Variants in CSRNP3 observed in about 807,000 individuals in gnomAD.
CSRNP3 encodes cysteine/serine-rich nuclear protein 3.
In CSRNP3, 12 loss-of-function variants were observed where a neutral mutation model predicts 48.0. The observed-to-expected ratio is 0.25, with a 90% CI of 0.16 to 0.41. The LOEUF is 0.41. CSRNP3 is among the 10% of genes least tolerant of loss of function. CSRNP3 has a pLI of 1.00. For synonymous variants in CSRNP3, 263 were observed against 269.7 expected (o/e 0.98, Z 0.24); for missense variants, 580 against 724.4 (o/e 0.80, Z 2.29).
intron 5 of CSRNP3, among the ~76,000 whole-genome samples, chr2:165,665,781 G>A (rs1169212895): frequency 1.3e-5 from 2 of 148,832 alleles, no homozygotes; most frequent in African/African-American, 5.0e-5. Context: ...AAGAAAGAGA[G>A]AGAGAGAGAG....
At chr2:165,678,551 A>T (rs1687467499) in intron 6 of CSRNP3, 150 bp from the exon 7 acceptor site, 5 of 883,980 alleles carry the variant, frequency 5.7e-6, no homozygotes, top group South Asian at 1.8e-5. Flanking sequence ...TCCCCTTTTC[A>T]TTTCTATTTG....
At chr2:165,625,356 G>A (rs1345165565) in intron 4 of CSRNP3, among the ~76,000 whole-genome samples, 1 of 152,050 alleles carries the variant, frequency 6.6e-6, no homozygotes, top group Non-Finnish European at 1.5e-5. Context: ...GCCAGGCACG[G>A]TGGCTCATGC....
chr2:165,601,763 C>T (rs917214807), intron 4 of CSRNP3, among the ~76,000 whole-genome samples: 1 of 152,024 alleles, frequency 6.6e-6, no homozygotes, highest in Non-Finnish European at 1.5e-5. Flanking sequence ...AGTCTTTCCC[C>T]AGTGTGATTT....
chr2:165,489,977 G>T (rs959135158), intron 1 of CSRNP3, among the ~76,000 whole-genome samples: 1 of 151,970 alleles, frequency 6.6e-6, no homozygotes, highest in African/African-American at 2.4e-5. Context: ...AAAATAAAAG[G>T]TATTCAATTA....
At chr2:165,674,774 C>T (rs1406564137) in intron 5 of CSRNP3, among the ~76,000 whole-genome samples, 1 of 147,726 alleles carries the variant, frequency 6.8e-6, no homozygotes, top group Non-Finnish European at 1.5e-5. Context: ...TGCAGTGGTG[C>T]AATCATGGCT....
intron 5 of CSRNP3, among the ~76,000 whole-genome samples, chr2:165,666,845 AGGGAG>A: frequency 1.7e-5 from 2 of 118,580 alleles, no homozygotes; most frequent in Non-Finnish European, 3.7e-5. Flanking sequence ...GAAGGAAGGA[AGGGAG>A]GAAAGAGAGA....
chr2:165,513,534 T>G (rs1684536506), intron 2 of CSRNP3, among the ~76,000 whole-genome samples: 1 of 152,176 alleles, frequency 6.6e-6, no homozygotes, highest in Non-Finnish European at 1.5e-5. Flanking sequence ...ATGACAGCCT[T>G]TCAAACAAGT....
At position 165,640,196 on chromosome 2, in the gene CSRNP3, A is replaced by T. The variant is rs77879900; in HGVS notation, c.149-17565A>T. Among the ~76,000 whole-genome samples the T allele has an allele frequency of 9.7e-3, 1,471 of 152,316 alleles. 11 individuals are homozygous for T. The highest frequency in any genetic ancestry group is 0.018 in the Non-Finnish European group (1,218 of 68,022). ...TTTAACAAACACTTATACAGTACTT[A>T]CTACGTGCCAAACTTTGTTTAATGT... On this transcript the variant is annotated intron_variant, in intron 4 of 6. Coordinates refer to ENST00000651982, the MANE Select transcript of CSRNP3 (RefSeq NM_001172173.2).
chr2:165,545,145 G>C (rs1223522460), intron 3 of CSRNP3, among the ~76,000 whole-genome samples: 1 of 152,198 alleles, frequency 6.6e-6, no homozygotes, highest in Non-Finnish European at 1.5e-5. Flanking sequence ...TGGTGGTGTT[G>C]ACAAGCATAG....
At position 165,566,167 on chromosome 2, in the gene CSRNP3, T is replaced by A. The variant is rs548436885; in HGVS notation, c.-23-28876T>A. ...GACTACAGACAGACTCTAAGATGCG[T>A]TTCAAACATTCCAGCATTACAAATG... On this transcript the variant is annotated intron_variant, in intron 3 of 6. Coordinates refer to ENST00000651982, the MANE Select transcript of CSRNP3 (RefSeq NM_001172173.2). Among the ~76,000 whole-genome samples, 8 of 151,548 alleles carry A rather than the reference T, an allele frequency of 5.3e-5. No homozygotes were observed. In the South Asian group the frequency reaches 1.7e-3, roughly 32 times the overall value.
rs1687627454 is a variant in CSRNP3 at position 165,686,173 on chromosome 2, A to G, written c.*6420A>G. The G allele has an allele frequency of 6.6e-6, 1 of 152,028 alleles. No homozygotes were observed. The highest frequency in any genetic ancestry group is 2.4e-5 in the African/African-American group (1 of 41,418). 9.4% of individuals were successfully genotyped at this position (152,028 alleles called of 1,614,324 possible). On this transcript the variant is annotated 3_prime_UTR_variant, in exon 7 of 7. Transcript: ENST00000651982. ...TTAATGAGTATTTGGAAGAAAATTG[A>G]CCTAGAAAATGTCTCTTTTAAATTT...
intron 3 of CSRNP3, 88 bp from the exon 4 acceptor site, chr2:165,594,955 A>G: frequency 8.6e-7 from 1 of 1,169,358 alleles, no homozygotes; most frequent in Non-Finnish European, 1.2e-6. Flanking sequence ...CATGTATAAA[A>G]AGCCACATAA....
chr2:165,477,979 AAAAG>A (rs963061977), intron 1 of CSRNP3, among the ~76,000 whole-genome samples: 11 of 151,990 alleles, frequency 7.2e-5, no homozygotes, highest in African/African-American at 1.7e-4. Flanking sequence ...CCTGTCAAAG[AAAAG>A]AAAGAAAGAA....
intron 4 of CSRNP3, among the ~76,000 whole-genome samples, chr2:165,628,777 G>A (rs2105324813): frequency 2.0e-5 from 3 of 151,680 alleles, no homozygotes; most frequent in Admixed American, 2.0e-4. Flanking sequence ...AAACACTAGG[G>A]ATGAGGGGGC....
At chr2:165,536,480 A>G (rs1006471586) in intron 3 of CSRNP3, among the ~76,000 whole-genome samples, 1 of 151,976 alleles carries the variant, frequency 6.6e-6, no homozygotes, top group Non-Finnish European at 1.5e-5. Context: ...CAATGACAAC[A>G]TAAAAACCAC....
At chr2:165,566,139 T>A (rs1416749114) in intron 3 of CSRNP3, among the ~76,000 whole-genome samples, 2 of 151,962 alleles carry the variant, frequency 1.3e-5, no homozygotes, top group African/African-American at 4.8e-5. Flanking sequence ...AAATACCTTG[T>A]ATGACTACAG....
chr2:165,585,891 G>T (rs946859878), intron 3 of CSRNP3, among the ~76,000 whole-genome samples: 11 of 152,062 alleles, frequency 7.2e-5, no homozygotes, highest in African/African-American at 2.4e-4. Context: ...AGGATAAACC[G>T]AATCTCCCAA....
chr2:165,654,076 T>G (rs1199500170), intron 4 of CSRNP3, among the ~76,000 whole-genome samples: 1 of 151,512 alleles, frequency 6.6e-6, no homozygotes, highest in Non-Finnish European at 1.5e-5. Context: ...GTCTATAAAT[T>G]TATGGCCTTG....
At chr2:165,635,578 T>C (rs957746391) in intron 4 of CSRNP3, among the ~76,000 whole-genome samples, 57 of 152,222 alleles carry the variant, frequency 3.7e-4, no homozygotes, top group Admixed American at 3.4e-3. Context: ...AGGATGTTCA[T>C]GCACACAGGA....
Sources: gnomAD v4.1 joint callset for allele counts (sites outside exome capture counted in the v4.1 genomes callset) on GRCh38, gnomAD v4.1.1 for gene constraint, MANE v1.5 for transcripts, NCBI Gene and HGNC (gene_info 2026-07-23, HGNC 2026-07-21) for gene names.